Variants in ANKRD27 observed in about 807,000 individuals in gnomAD.
ANKRD27 encodes ankyrin repeat domain-containing protein 27.
In ANKRD27, 112 loss-of-function variants were observed where a neutral mutation model predicts 129.7. That is an observed-to-expected ratio of 0.86 (90% CI 0.74 to 1.01). The LOEUF (loss-of-function observed/expected upper bound fraction) is 1.01. Among genes scored for constraint, ANKRD27 ranks in the 50% least tolerant of loss-of-function variants. The probability of loss-of-function intolerance (pLI) is 0.00; values close to 1 mark genes in which losing one functional copy is unlikely to be tolerated. For missense variants in ANKRD27, 1,258 were observed against 1,300.5 expected, an observed-to-expected ratio of 0.97 and a Z score of 0.50; for synonymous variants, 516 against 511.2, an observed-to-expected ratio of 1.01 and a Z score of -0.13.
At chr19:32,637,502 G>C (rs17760227) in intron 12 of ANKRD27, 1 of 152,244 alleles carries the variant, frequency 6.6e-6, no homozygotes, top group African/African-American at 2.4e-5. Context: ...ACACATTAAT[G>C]GTCTCACAGA....
At chr19:32,641,985 GC>G in intron 10 of ANKRD27, 38 bp downstream of exon 10, 1 of 1,513,238 alleles carries the variant, frequency 6.6e-7, no homozygotes, top group Non-Finnish European at 8.9e-7. Context: ...TCTGGATGTA[GC>G]ATCTACCCCT....
chr19:32,620,900 A>AG (rs1262087859), intron 18 of ANKRD27, among the ~76,000 whole-genome samples: 1 of 151,092 alleles, frequency 6.6e-6, no homozygotes, highest in Non-Finnish European at 1.5e-5. Flanking sequence ...AAAAAAAAAA[A>AG]AAAAAAAAAA....
rs535042076 is a variant in ANKRD27 at position 32,603,433 on chromosome 19, T to C, written c.2655+830A>G. Among the ~76,000 whole-genome samples the C allele has an allele frequency of 1.2e-3, 177 of 152,268 alleles. 1 individual carries two copies. Among genetic ancestry groups the C allele is most frequent in the African/African-American group, 3.9e-3 (163 of 41,554 alleles). ...GCAGGAAAACAGGAACAGAAAGAGCTGCCGCTCGCCAGGGGAAAAGGACCC... is the reference window on the plus strand; with the variant it reads ...GCAGGAAAACAGGAACAGAAAGAGCCGCCGCTCGCCAGGGGAAAAGGACCC... On this transcript the variant is annotated intron_variant, in intron 25 of 28. Transcript: ENST00000306065.
chr19:32,653,739 G>A (rs1294094767), intron 2 of ANKRD27, among the ~76,000 whole-genome samples: 2 of 150,978 alleles, frequency 1.3e-5, no homozygotes, highest in East Asian at 2.0e-4. Flanking sequence ...TGGCGGGGGC[G>A]GGGACGGGGT....
Position 32,605,916 on chromosome 19 carries a change from A to AT in ANKRD27, c.2411dup (p.Asn804LysfsTer2), listed in dbSNP as rs1402590782. 6.2e-7 allele frequency: 1 copy of AT among 1,613,956 alleles called. No individual in the cohort carries two copies. The highest frequency in any genetic ancestry group is 2.2e-5 in the East Asian group (1 of 44,874). On this transcript the variant is annotated frameshift_variant, in exon 24 of 29. Coordinates refer to ENST00000306065, the MANE Select transcript of ANKRD27 (RefSeq NM_032139.3). LOFTEE classifies it high-confidence loss of function. ...GCGTGTTTCCACTGAGGTCCTTCTT[A>AT]TTGGGTTTTGCATTCGAATCTAACA...
Position 32,643,303 on chromosome 19 carries a change from G to A in ANKRD27, c.689C>T (p.Thr230Ile), listed in dbSNP as rs1319635860. Residue 230 changes from threonine to isoleucine, a missense_variant, in exon 8 of 29, where the codon ACC becomes ATC. Coordinates refer to ENST00000306065, the MANE Select transcript of ANKRD27 (RefSeq NM_032139.3). Reference sequence around the variant, plus strand: ...AGAACCTACCTCACTTGCCTCCATGGTCCCCACGTATTTAAAGATCAGGTT... The same window carrying A: ...AGAACCTACCTCACTTGCCTCCATGATCCCCACGTATTTAAAGATCAGGTT... ...IYNLIFKYVG[T>I]MEASEDAAFN... The A allele has an allele frequency of 6.2e-7, 1 of 1,613,776 alleles. No individual in the cohort carries two copies. The highest frequency in any genetic ancestry group is 8.5e-7 in the Non-Finnish European group (1 of 1,180,006).
At chr19:32,628,249 A>G in intron 14 of ANKRD27, 84 bp from the exon 15 acceptor site, 1 of 1,192,202 alleles carries the variant, frequency 8.4e-7, no homozygotes, top group Non-Finnish European at 1.2e-6. Flanking sequence ...GGCAGGTACC[A>G]CAGACAGAAG....
chr19:32,607,587 G>C (rs1355921471), intron 23 of ANKRD27, 48 bp downstream of exon 23: 1 of 1,582,714 alleles, frequency 6.3e-7, no homozygotes, highest in Admixed American at 1.8e-5. Context: ...CAAGGTCCTA[G>C]CCCAAAGCAG....
chr19:32,663,726 C>T (rs1033752057), intron 1 of ANKRD27, among the ~76,000 whole-genome samples: 3 of 152,160 alleles, frequency 2.0e-5, no homozygotes, highest in Non-Finnish European at 2.9e-5. Flanking sequence ...CATAGAAATA[C>T]ACAATGTCAT....
chr19:32,606,505 G>A (rs1248165752), intron 23 of ANKRD27, among the ~76,000 whole-genome samples: 1 of 72,838 alleles, frequency 1.4e-5, no homozygotes, highest in Non-Finnish European at 3.7e-5. Context: ...AAGGGACCAG[G>A]TGAAGAGGGG....
intron 20 of ANKRD27, among the ~76,000 whole-genome samples, chr19:32,617,863 T>G (rs1475647126): frequency 1.3e-5 from 2 of 151,734 alleles, no homozygotes; most frequent in African/African-American, 4.8e-5. Flanking sequence ...CAAGCGATTC[T>G]CCTGCCTCAG....
intron 23 of ANKRD27, among the ~76,000 whole-genome samples, chr19:32,606,939 C>CAAAAAAAAAAAAAAAAAAAAAAAAAAA (rs532062312): frequency 3.0e-5 from 2 of 65,648 alleles, no homozygotes; most frequent in East Asian, 5.8e-4. Flanking sequence ...CCCATCTCCA[C>CAAAAAAAAAAAAAAAAAAAAAAAAAAA]AAAAAAAAAA....
At chr19:32,611,428 T>C (rs569230171) in intron 22 of ANKRD27, among the ~76,000 whole-genome samples, 4 of 152,204 alleles carry the variant, frequency 2.6e-5, no homozygotes, top group South Asian at 2.1e-4. Flanking sequence ...ATCCCCAGTG[T>C]ACATGTTACC....
chr19:32,641,803 T>C (rs1164897936), intron 10 of ANKRD27, among the ~76,000 whole-genome samples: 1 of 145,164 alleles, frequency 6.9e-6, no homozygotes, highest in Non-Finnish European at 1.5e-5. Context: ...GGTCTCACTC[T>C]ATCACCCAGG....
chr19:32,666,068 C>A (rs146060711), intron 1 of ANKRD27, among the ~76,000 whole-genome samples: 1 of 151,982 alleles, frequency 6.6e-6, no homozygotes, highest in Non-Finnish European at 1.5e-5. Context: ...ACACTCAGCC[C>A]TATAATTATG....
chr19:32,627,410 A>T (rs4805781), intron 15 of ANKRD27, among the ~76,000 whole-genome samples: 25,648 of 66,696 alleles, frequency 0.38, 4,789 homozygotes, highest in Non-Finnish European at 0.51. Context: ...TTATTTATTT[A>T]TTTTTTGAGA....
chr19:32,642,349 G>C (rs180844172), intron 9 of ANKRD27, among the ~76,000 whole-genome samples: 3 of 151,166 alleles, frequency 2.0e-5, no homozygotes, highest in Non-Finnish European at 4.4e-5. Flanking sequence ...CCAGGTGATA[G>C]AGTTGTACAA....
At chr19:32,604,142 G>T in intron 25 of ANKRD27, 121 bp downstream of exon 25, 2 of 1,165,764 alleles carry the variant, frequency 1.7e-6, no homozygotes, top group Non-Finnish European at 2.3e-6. Context: ...CACCAACTAC[G>T]CCCAGCCCGG....
intron 1 of ANKRD27, among the ~76,000 whole-genome samples, chr19:32,659,411 C>T (rs1259360075): frequency 6.6e-6 from 1 of 152,022 alleles, no homozygotes; most frequent in South Asian, 2.1e-4. Context: ...AGAGTATCCT[C>T]CAAATAAAAA....
Sources: gnomAD v4.1 joint callset for allele counts (sites outside exome capture counted in the v4.1 genomes callset) on GRCh38, gnomAD v4.1.1 for gene constraint, MANE v1.5 for transcripts, NCBI Gene and HGNC (gene_info 2026-07-23, HGNC 2026-07-21) for gene names.